The following ST18 variants were observed in gnomAD, a reference collection of about 807,000 sequenced individuals.
The protein encoded by ST18 is ST18 C2H2C-type zinc finger transcription factor, also known as suppression of tumorigenicity 18 protein.
In ST18, 50 loss-of-function variants were observed where a neutral mutation model predicts 110.0. The observed-to-expected ratio is 0.45, with a 90% CI of 0.36 to 0.58. The LOEUF is 0.58. Ranked by LOEUF, ST18 falls within the 20% of genes least tolerant of loss-of-function variation. The probability of loss-of-function intolerance (pLI) is 0.00; values close to 1 mark genes in which losing one functional copy is unlikely to be tolerated. For missense variants in ST18, 1,306 were observed against 1,280.1 expected (o/e 1.02, Z -0.31); for synonymous variants, 461 against 452.4 (o/e 1.02, Z -0.24).
intron 23 of ST18, among the ~76,000 whole-genome samples, chr8:52,120,298 A>C (rs530559394): frequency 2.9e-4 from 44 of 152,282 alleles, no homozygotes; most frequent in South Asian, 6.2e-4. Flanking sequence ...TATTGTTATA[A>C]ATTTCTTTGA....
intron 2 of ST18, among the ~76,000 whole-genome samples, chr8:52,283,180 A>AGTGGATGCCACTTTG (rs2095414773): frequency 6.6e-6 from 1 of 152,204 alleles, no homozygotes; most frequent in African/African-American, 2.4e-5. Flanking sequence ...GATGGCTCCA[A>AGTGGATGCCACTTTG]AGTTTTGGGC....
chr8:52,381,558 C>T (rs145288761), intron 2 of ST18, among the ~76,000 whole-genome samples: 1 of 152,300 alleles, frequency 6.6e-6, no homozygotes, highest in African/African-American at 2.4e-5. Context: ...TTAATACATA[C>T]TATTAATATT....
intron 8 of ST18, chr8:52,194,702 T>C (rs1208423839): frequency 6.6e-6 from 1 of 152,260 alleles, no homozygotes; most frequent in Non-Finnish European, 1.5e-5. Flanking sequence ...ACTGAGGATG[T>C]GTTTTTGCAA....
chr8:52,370,788 C>T (rs1462048156), intron 2 of ST18, among the ~76,000 whole-genome samples: 1 of 152,122 alleles, frequency 6.6e-6, no homozygotes, highest in Non-Finnish European at 1.5e-5. Flanking sequence ...CTTGTCCTTC[C>T]TCTCTGAAGT....
intron 15 of ST18, chr8:52,150,989 T>C (rs1352475768): frequency 1.3e-5 from 2 of 152,234 alleles, no homozygotes; most frequent in Non-Finnish European, 2.9e-5. Flanking sequence ...AAGCTGCCTG[T>C]CATTTTTCTA....
At chr8:52,389,399 T>C (rs1443235447) in intron 2 of ST18, among the ~76,000 whole-genome samples, 1 of 152,046 alleles carries the variant, frequency 6.6e-6, no homozygotes. Flanking sequence ...TTCTGGATGA[T>C]GGGATGTGAT....
At chr8:52,152,576 C>T (rs2059092552) in intron 15 of ST18, among the ~76,000 whole-genome samples, 2 of 152,212 alleles carry the variant, frequency 1.3e-5, no homozygotes, top group Admixed American at 1.3e-4. Context: ...ATGCTACCTA[C>T]ATTTTATTTA....
intron 15 of ST18, among the ~76,000 whole-genome samples, chr8:52,150,602 A>G (rs2058574179): frequency 6.6e-6 from 1 of 152,156 alleles, no homozygotes; most frequent in Non-Finnish European, 1.5e-5. Context: ...AGGGAGTGCA[A>G]ACCATGCTTC....
intron 2 of ST18, among the ~76,000 whole-genome samples, chr8:52,253,731 G>T (rs1388410759): frequency 6.6e-6 from 1 of 152,014 alleles, no homozygotes; most frequent in East Asian, 1.9e-4. Context: ...GATCTCACTG[G>T]TAATTTTTGC....
At chr8:52,406,262 T>C (rs1213596806) in intron 2 of ST18, 1 of 152,272 alleles carries the variant, frequency 6.6e-6, no homozygotes, top group Non-Finnish European at 1.5e-5. Flanking sequence ...CTCCCTCCTC[T>C]GTTCTTCAGG....
In ST18 at chr8:52,165,127, A is replaced by G. The variant is rs1173996972; in HGVS notation, c.1295+8T>C. 2 of 1,613,922 alleles carry G rather than the reference A, an allele frequency of 1.2e-6. No homozygotes were observed. On this transcript the variant is annotated splice_region_variant and intron_variant, in intron 12 of 25. Transcript: ENST00000689386. ...AATGCAAAATGATTATCATCTAATG[A>G]GAATTACCTCCTGTGGGTGTTGCGG...
rs758294624 is a variant in ST18 at position 52,116,313 on chromosome 8, G to A, written c.2965C>T (p.Leu989Phe). Residue 989 changes from leucine to phenylalanine, a missense_variant, in exon 25 of 26, where the codon CTC becomes TTC. By Grantham distance (22) the Leu-to-Phe change is conservative. Coordinates refer to ENST00000689386, the MANE Select transcript of ST18 (RefSeq NM_001352837.2). Reference sequence around the variant, plus strand: ...TGGATGTCAGCAAGGCTTGAAATGAGAGCTTGGCTTAGACCTGCCAGCTCT... The same window carrying A: ...TGGATGTCAGCAAGGCTTGAAATGAAAGCTTGGCTTAGACCTGCCAGCTCT... ...LKELAGLSQA[L>F]ISSLADIQLP... 3 of 1,613,846 alleles carry A rather than the reference G, an allele frequency of 1.9e-6. No homozygotes were observed.
intron 2 of ST18, among the ~76,000 whole-genome samples, chr8:52,396,807 G>A (rs1431738963): frequency 6.6e-6 from 1 of 152,130 alleles, no homozygotes; most frequent in African/African-American, 2.4e-5. Flanking sequence ...TTCAAGATGA[G>A]ATTTGGGTGG....
chr8:52,229,848 C>T (rs2090782620), intron 3 of ST18, 184 bp downstream of exon 3: 1 of 152,134 alleles, frequency 6.6e-6, no homozygotes, highest in Admixed American at 6.5e-5. Context: ...TGTAAACACT[C>T]CTCAAAAATC....
chr8:52,193,499 A>T (rs1443753193), intron 8 of ST18, among the ~76,000 whole-genome samples: 11 of 152,222 alleles, frequency 7.2e-5, no homozygotes, highest in Non-Finnish European at 1.2e-4. Flanking sequence ...AGAGTTGGCT[A>T]AGCCTTCCAT....
intron 23 of ST18, among the ~76,000 whole-genome samples, chr8:52,125,060 C>A (rs528849204): frequency 1.3e-5 from 2 of 152,094 alleles, no homozygotes; most frequent in East Asian, 1.9e-4. Flanking sequence ...TGCTTTGGAA[C>A]GATCTTTGAT....
chr8:52,312,723 CAAATGCCTGGCCACAAG>C (rs1328062424), intron 2 of ST18, among the ~76,000 whole-genome samples: 1 of 152,130 alleles, frequency 6.6e-6, no homozygotes, highest in Non-Finnish European at 1.5e-5. Flanking sequence ...TGCTCCAGCC[CAAATGCCTGGCCACAAG>C]AAAGCAGTTA....
chr8:52,373,648 T>A (rs2360789), intron 2 of ST18, among the ~76,000 whole-genome samples: 114,838 of 152,044 alleles, frequency 0.76, 48,188 homozygotes, highest in Non-Finnish European at 0.93. Flanking sequence ...TGCCTTTTTC[T>A]CTGACCTTCA....
chr8:52,246,432 T>C (rs1016418236), intron 2 of ST18, among the ~76,000 whole-genome samples: 5 of 152,174 alleles, frequency 3.3e-5, no homozygotes, highest in African/African-American at 1.2e-4. Flanking sequence ...CTTTCTAAAT[T>C]AAATGAAATT....
Sources: allele counts gnomAD v4.1 joint callset (sites outside exome capture counted in the v4.1 genomes callset), GRCh38; gene constraint gnomAD v4.1.1; transcripts MANE v1.5; gene names NCBI Gene and HGNC (gene_info 2026-07-23, HGNC 2026-07-21).